DLGAP2: variants seen among roughly 807,000 people sequenced by gnomAD.
DLGAP2 encodes the protein disks large-associated protein 2.
A neutral mutation model predicts 100.3 loss-of-function variants in DLGAP2; 26 were observed. The ratio of observed to expected loss-of-function variants is 0.26; its 90% CI spans 0.19 to 0.36. The LOEUF is 0.36. Ranked by LOEUF, DLGAP2 falls within the 10% of genes least tolerant of loss-of-function variation. The probability of loss-of-function intolerance (pLI) is 1.00; values close to 1 mark genes in which losing one functional copy is unlikely to be tolerated. For synonymous variants in DLGAP2, 886 were observed against 630.1 expected, an observed-to-expected ratio of 1.41 and a Z score of -6.08; for missense variants, 1,858 against 1,453.2, an observed-to-expected ratio of 1.28 and a Z score of -4.53.
chr8:826,486 A>C (rs577588936), intron 1 of DLGAP2, among the ~76,000 whole-genome samples: 2 of 152,130 alleles, frequency 1.3e-5, no homozygotes, highest in Non-Finnish European at 2.9e-5. Flanking sequence ...CAGCGATGTG[A>C]GACTTTTTCC....
At chr8:1,025,914 A>C (rs1458377638) in intron 2 of DLGAP2, among the ~76,000 whole-genome samples, 1 of 152,178 alleles carries the variant, frequency 6.6e-6, no homozygotes, top group Non-Finnish European at 1.5e-5. Context: ...CGCTGCAGGG[A>C]AAGTTCCGTA....
In DLGAP2 at chr8:1,325,643, G is replaced by A. The variant is rs185871348; in HGVS notation, c.106+66760G>A. Among the ~76,000 whole-genome samples the A allele has an allele frequency of 1.8e-3, 270 of 152,336 alleles. 3 individuals are homozygous for A. The highest frequency in any genetic ancestry group is 3.1e-3 in the Non-Finnish European group (209 of 68,032). The stretch of plus-strand genomic sequence containing the variant: ...CAAGCATACCCTACAGGGCCTGAAC[G>A]GAGCAGCCTCCAGCAGTGATTGGCG... On this transcript the variant is annotated intron_variant, in intron 3 of 14. Transcript: ENST00000637795.
rs557315692 is a variant in DLGAP2, at chr8:1,187,669, C to G, written c.74-71182C>G. On this transcript the variant is annotated intron_variant, in intron 2 of 14. Transcript: ENST00000637795. Reference sequence around the variant, plus strand: ...ATGGAATCTCACGTGCCCGGGACCTCTGTGACATTTCCCTCACACGCCCAG... The same window carrying G: ...ATGGAATCTCACGTGCCCGGGACCTGTGTGACATTTCCCTCACACGCCCAG... Among the ~76,000 whole-genome samples, 629 of 141,888 alleles carry G rather than the reference C, an allele frequency of 4.4e-3. 32 individuals are homozygous for G. Among genetic ancestry groups the G allele is most frequent in the African/African-American group, 0.016 (608 of 37,954 alleles). The allele number at this position is 141,888 out of a possible 152,430, so 93.1% of individuals were successfully genotyped here.
Position 999,004 on chromosome 8 carries a change from G to T in DLGAP2, c.73+91038G>T, listed in dbSNP as rs181232756. On this transcript the variant is annotated intron_variant, in intron 2 of 14. Coordinates refer to ENST00000637795, the MANE Select transcript of DLGAP2 (RefSeq NM_001346810.2). ...GGTCATGTTACCTGTAGAATCCTGA[G>T]ATGAACATTGCTGCCTCCAGATGAA... Among the ~76,000 whole-genome samples the T allele has an allele frequency of 4.6e-5, 7 of 152,262 alleles. No homozygotes were observed. In the East Asian group the frequency reaches 9.7e-4, roughly 21 times the overall value.
At chr8:1,206,822 C>T (rs13261391) in intron 2 of DLGAP2, among the ~76,000 whole-genome samples, 27,328 of 152,036 alleles carry the variant, frequency 0.18, 2,696 homozygotes, top group East Asian at 0.34. Flanking sequence ...GCTCCACGGG[C>T]CCCTCTTCTG....
At chr8:743,301 A>G (rs1008726095) in intron 1 of DLGAP2, among the ~76,000 whole-genome samples, 2 of 152,184 alleles carry the variant, frequency 1.3e-5, no homozygotes, top group Non-Finnish European at 2.9e-5. Flanking sequence ...CTACAAAGCC[A>G]TGTTCAACCT....
chr8:1,047,739 C>A (rs1367949975), intron 2 of DLGAP2, among the ~76,000 whole-genome samples: 2 of 152,044 alleles, frequency 1.3e-5, no homozygotes, highest in Non-Finnish European at 2.9e-5. Flanking sequence ...ACTCTACTCT[C>A]ATTCATGAGG....
intron 4 of DLGAP2, among the ~76,000 whole-genome samples, chr8:1,526,994 C>T (rs1011407048): frequency 1.3e-5 from 2 of 152,146 alleles, no homozygotes; most frequent in African/African-American, 4.8e-5. Context: ...CAAGCCCACC[C>T]GTTACCACGA....
At chr8:1,504,736 A>G (rs780611235) in intron 4 of DLGAP2, among the ~76,000 whole-genome samples, 83 of 152,116 alleles carry the variant, frequency 5.5e-4, no homozygotes, top group Non-Finnish European at 8.8e-4. Context: ...ACTTTTTAAG[A>G]CTGAGTAGGT....
At chr8:830,655 G>A (rs1270983522) in intron 1 of DLGAP2, among the ~76,000 whole-genome samples, 1 of 152,044 alleles carries the variant, frequency 6.6e-6, no homozygotes, top group African/African-American at 2.4e-5. Flanking sequence ...TCTTTTTGGT[G>A]CATGCATTGC....
At chr8:903,751 C>G (rs1798313924) in intron 1 of DLGAP2, among the ~76,000 whole-genome samples, 1 of 152,166 alleles carries the variant, frequency 6.6e-6, no homozygotes, top group Admixed American at 6.5e-5. Context: ...GTGATGGAGC[C>G]CAGCGCCTCC....
At chr8:1,238,619 C>T (rs1158338989) in intron 2 of DLGAP2, among the ~76,000 whole-genome samples, 1 of 106,558 alleles carries the variant, frequency 9.4e-6, no homozygotes, top group Non-Finnish European at 2.0e-5. Flanking sequence ...CTAGTTCTCT[C>T]ACATGGCGCC....
At chr8:1,665,403 A>T (rs769350180) in intron 8 of DLGAP2, among the ~76,000 whole-genome samples, 2 of 152,176 alleles carry the variant, frequency 1.3e-5, no homozygotes, top group Non-Finnish European at 2.9e-5. Flanking sequence ...TTTGCCTGTG[A>T]CATGTTGTGA....
At chr8:1,514,936 C>T (rs532884189) in intron 4 of DLGAP2, among the ~76,000 whole-genome samples, 88 of 152,088 alleles carry the variant, frequency 5.8e-4, no homozygotes, top group African/African-American at 2.0e-3. Context: ...GCACAGCCAG[C>T]GGGCAGGAGC....
In DLGAP2 at chr8:1,586,043, G is replaced by A. The variant is rs529676295; in HGVS notation, c.1442+20149G>A. Among the ~76,000 whole-genome samples, 8 of 152,156 alleles carry A rather than the reference G, an allele frequency of 5.3e-5. No homozygotes were observed. In the East Asian group the frequency reaches 5.8e-4, roughly 11 times the overall value. ...CTCCCAAATATTTTGTTAGTTTTCCGTTGCTGTCATAAAAACTGCCACAAA... is the reference window on the plus strand; with the variant it reads ...CTCCCAAATATTTTGTTAGTTTTCCATTGCTGTCATAAAAACTGCCACAAA... On this transcript the variant is annotated intron_variant, in intron 6 of 14. Coordinates refer to ENST00000637795, the MANE Select transcript of DLGAP2 (RefSeq NM_001346810.2).
chr8:1,177,431 T>G (rs895214554), intron 2 of DLGAP2, among the ~76,000 whole-genome samples: 15 of 152,252 alleles, frequency 9.9e-5, no homozygotes, highest in African/African-American at 3.4e-4. Context: ...CTCCTGACTT[T>G]CCCACCATCT....
At chr8:1,352,179 T>G (rs1801747150) in intron 3 of DLGAP2, among the ~76,000 whole-genome samples, 1 of 115,952 alleles carries the variant, frequency 8.6e-6, no homozygotes. Flanking sequence ...TGAGTGTGTG[T>G]GGATAGGCTG....
intron 2 of DLGAP2, among the ~76,000 whole-genome samples, chr8:1,182,113 G>T (rs534399083): frequency 2.0e-5 from 3 of 152,232 alleles, no homozygotes; most frequent in African/African-American, 4.8e-5. Context: ...TCACAACAGC[G>T]TCTCCTCCGT....
chr8:1,269,180 CT>C (rs1448872617), intron 3 of DLGAP2, among the ~76,000 whole-genome samples: 3 of 152,244 alleles, frequency 2.0e-5, no homozygotes, highest in African/African-American at 7.2e-5. Flanking sequence ...TTGCTGCTTC[CT>C]TCCCTGCCCT....
Sources: allele counts gnomAD v4.1 joint callset (sites outside exome capture counted in the v4.1 genomes callset), GRCh38; gene constraint gnomAD v4.1.1; transcripts MANE v1.5; gene names NCBI Gene and HGNC (gene_info 2026-07-23, HGNC 2026-07-21).